The following ARK2C variants were observed in gnomAD, a reference collection of about 807,000 sequenced individuals.
ARK2C encodes arkadia (RNF111) C-terminal like ring finger ubiquitin ligase 2C.
the ARK2C span, among the ~76,000 whole-genome samples, chr18:46,400,595 G>T: frequency 6.6e-6 from 1 of 152,224 alleles, no homozygotes; most frequent in East Asian, 1.9e-4. Flanking sequence ...GTTTAGGGTG[G>T]TTTCTAGGCA....
the ARK2C span, among the ~76,000 whole-genome samples, chr18:46,344,328 G>A: frequency 6.8e-4 from 104 of 152,098 alleles, no homozygotes; most frequent in Middle Eastern, 3.4e-3. Context: ...GGAGGGAAGG[G>A]GTGGAGGCGC....
the ARK2C span, chr18:46,337,184 C>T: frequency 1.0e-6 from 1 of 985,084 alleles, no homozygotes; most frequent in Non-Finnish European, 1.2e-6. Flanking sequence ...CAAATAGCCT[C>T]CCCAGACTGC....
chr18:46,361,889 A>C, the ARK2C span, among the ~76,000 whole-genome samples: 18 of 152,366 alleles, frequency 1.2e-4, no homozygotes, highest in African/African-American at 4.1e-4. Flanking sequence ...GATCCTTTTC[A>C]GCTCAAATTT....
At chr18:46,439,040 G>C in the ARK2C span, among the ~76,000 whole-genome samples, 1 of 152,212 alleles carries the variant, frequency 6.6e-6, no homozygotes, top group Admixed American at 6.5e-5. Context: ...GGTGTGCATG[G>C]AGTCTGTGAG....
the ARK2C span, among the ~76,000 whole-genome samples, chr18:46,441,974 C>T: frequency 6.6e-6 from 1 of 151,158 alleles, no homozygotes; most frequent in African/African-American, 2.4e-5. Context: ...ACCATCCTGG[C>T]TGACACGGTG....
At chr18:46,334,701 TGTGTGTGTGTGTGTGAGAGA>T in the ARK2C span, 19 of 317,622 alleles carry the variant, frequency 6.0e-5, no homozygotes, top group Admixed American at 1.3e-4. This position sits in a 1 kb window ranked among gnomAD's most constrained non-coding sequence, Gnocchi z 4.4. Flanking sequence ...TGTGTGTGTG[TGTGTGTGTGTGTGTGAGAGA>T]GAGAGAGAGC....
At chr18:46,349,228 A>G in the ARK2C span, among the ~76,000 whole-genome samples, 58 of 152,154 alleles carry the variant, frequency 3.8e-4, no homozygotes, top group Admixed American at 1.6e-3. Flanking sequence ...CTTATAAATA[A>G]CAGAAGTTTG....
At chr18:46,358,967 G>T in the ARK2C span, among the ~76,000 whole-genome samples, 3 of 152,254 alleles carry the variant, frequency 2.0e-5, no homozygotes, top group African/African-American at 7.2e-5. Flanking sequence ...CTACCCCTTT[G>T]TCCATGCCAC....
At chr18:46,433,386 C>T in the ARK2C span, 4 of 1,613,300 alleles carry the variant, frequency 2.5e-6, no homozygotes, top group Admixed American at 6.7e-5. Flanking sequence ...CCCCGCTGCC[C>T]ACCCTGCAGT....
At chr18:46,455,879 G>C in the ARK2C span, 1 of 690,528 alleles carries the variant, frequency 1.4e-6, no homozygotes, top group South Asian at 1.8e-5. Context: ...TAAAAAACCT[G>C]ACTCCCAGGG....
the ARK2C span, among the ~76,000 whole-genome samples, chr18:46,340,349 G>A: frequency 6.6e-6 from 1 of 152,160 alleles, no homozygotes; most frequent in East Asian, 1.9e-4. Context: ...TGCAATGCCT[G>A]TACTTCATGT....
At chr18:46,384,391 C>T in the ARK2C span, among the ~76,000 whole-genome samples, 1 of 152,202 alleles carries the variant, frequency 6.6e-6, no homozygotes, top group Non-Finnish European at 1.5e-5. Context: ...CTTCTTATTG[C>T]AGAGATGCTC....
chr18:46,461,870 C>T, the ARK2C span: 1 of 152,248 alleles, frequency 6.6e-6, no homozygotes, highest in African/African-American at 2.4e-5. Flanking sequence ...AAGGCTTGGG[C>T]AGTCATTTGG....
At chr18:46,384,520 G>A in the ARK2C span, among the ~76,000 whole-genome samples, 1 of 151,974 alleles carries the variant, frequency 6.6e-6, no homozygotes, top group Non-Finnish European at 1.5e-5. Flanking sequence ...ATTTCTCATG[G>A]ATACACACCC....
the ARK2C span, chr18:46,335,432 C>G: frequency 6.6e-6 from 1 of 152,336 alleles, no homozygotes; most frequent in East Asian, 1.9e-4. Context: ...ATTCCCACCT[C>G]CCAAGCAAAT....
At chr18:46,337,215 A>C in the ARK2C span, 1 of 985,442 alleles carries the variant, frequency 1.0e-6, no homozygotes, top group Non-Finnish European at 1.2e-6. Context: ...TCTGAAAAGA[A>C]AGAGAAAAAA....
the ARK2C span, chr18:46,456,370 T>C: frequency 1.4e-3 from 943 of 683,000 alleles, 1 homozygote; most frequent in Non-Finnish European, 1.7e-3. Flanking sequence ...CTGAAAGCGC[T>C]TCCTGGCGGA....
the ARK2C span, among the ~76,000 whole-genome samples, chr18:46,443,624 A>G: frequency 6.6e-6 from 1 of 152,148 alleles, no homozygotes; most frequent in Non-Finnish European, 1.5e-5. Flanking sequence ...AGACACATCT[A>G]TTTGTTCACC....
At chr18:46,383,916 C>A in the ARK2C span, among the ~76,000 whole-genome samples, 1 of 152,192 alleles carries the variant, frequency 6.6e-6, no homozygotes, top group Non-Finnish European at 1.5e-5. Context: ...AGTAGTCAGT[C>A]CGATGAAGTT....
Sources: allele counts gnomAD v4.1 joint callset (sites outside exome capture counted in the v4.1 genomes callset), GRCh38; gene constraint gnomAD v4.1.1; non-coding constraint Gnocchi (gnomAD v3.1); transcripts MANE v1.5; gene names NCBI Gene and HGNC (gene_info 2026-07-23, HGNC 2026-07-21).